Variants in FAT1 observed in about 807,000 individuals in gnomAD.
FAT1 encodes the protein protocadherin Fat 1.
Under a neutral mutation model 329.8 loss-of-function variants are expected in FAT1, and 171 were observed. That is an observed-to-expected ratio of 0.52 (90% CI 0.46 to 0.59). FAT1 has a LOEUF of 0.59. Ranked by LOEUF, FAT1 falls within the 20% of genes least tolerant of loss-of-function variation. The pLI, the probability that FAT1 is intolerant of heterozygous loss-of-function variation, is 0.00. For missense variants in FAT1, 5,672 were observed against 5,774.4 expected, an observed-to-expected ratio of 0.98 and a Z score of 0.57; for synonymous variants, 2,233 against 2,228.6, an observed-to-expected ratio of 1.00 and a Z score of -0.06.
intron 3 of FAT1, among the ~76,000 whole-genome samples, chr4:186,640,197 A>T (rs1000254902): frequency 1.3e-5 from 2 of 152,216 alleles, no homozygotes; most frequent in African/African-American, 4.8e-5. Flanking sequence ...GAAAAAAAGA[A>T]GAAAGAAATT....
intron 14 of FAT1, 89 bp from the exon 15 acceptor site, chr4:186,610,104 A>C (rs1415741278): frequency 9.3e-6 from 7 of 750,184 alleles, no homozygotes; most frequent in East Asian, 2.7e-5. Context: ...TTTTGAGTAC[A>C]TTTAGTTTTC....
At position 186,708,896 on chromosome 4, in the gene FAT1, C is replaced by G. The variant is rs566193612; in HGVS notation, c.932G>C (p.Gly311Ala). Residue 311 changes from glycine (G) to alanine (A), a missense_variant, in exon 2 of 27, where the codon GGG becomes GCG. Around this residue, in one of 2 missense-constraint regions of FAT1, gnomAD observed 3,966 missense variants for 3,915.2 expected, o/e 1.01. Transcript: ENST00000441802. ...GGCTTTGACTTTATACTCCTTACTC[C>G]CTGGAAAGGACCTCACTGTTCTAAA... ...QQFRTVRSFP[G>A]SKEYKVKAIG... The G allele has an allele frequency of 6.2e-7, 1 of 1,613,908 alleles. No individual in the cohort carries two copies. Among genetic ancestry groups the G allele is most frequent in the African/African-American group, 1.3e-5 (1 of 75,010 alleles).
chr4:186,718,188 T>C (rs1055289353), intron 1 of FAT1, among the ~76,000 whole-genome samples: 8 of 152,116 alleles, frequency 5.3e-5, no homozygotes, highest in African/African-American at 1.9e-4. Context: ...AAAGTCCATC[T>C]TCCCTCCTCC....
chr4:186,716,373 C>T (rs1716293965), intron 1 of FAT1, among the ~76,000 whole-genome samples: 1 of 152,042 alleles, frequency 6.6e-6, no homozygotes, highest in African/African-American at 2.4e-5. Context: ...TTTGGAATTT[C>T]GAGTTCAGTT....
intron 9 of FAT1, among the ~76,000 whole-genome samples, chr4:186,627,306 G>A (rs377299670): frequency 4.6e-5 from 7 of 150,602 alleles, no homozygotes; most frequent in Middle Eastern, 3.2e-3. Context: ...TTCATCAGCC[G>A]ACAGAATGAA....
Position 186,611,387 on chromosome 4 carries a change from T to C in FAT1, c.9852A>G (p.Thr3284=), listed in dbSNP as rs750248803. The C allele has an allele frequency of 4.6e-5, 74 of 1,603,408 alleles. No individual in the cohort carries two copies. In the South Asian group the frequency reaches 7.8e-4, roughly 17 times the overall value. ...CCTCTCAGATACATGGTAGGTTACC[T>C]GTTTTAGAATCTATGCTGAATTTCC... ...EHGKFSIDSK[T]GAVFIIENLD... The change falls in exon 14 of 27, where the codon ACA becomes ACG. Residue 3284 remains threonine (T), a splice_region_variant and synonymous_variant. Transcript: ENST00000441802.
rs2126564020 is a variant in FAT1, at chr4:186,636,749, G to C, written c.3808C>G (p.Pro1270Ala). The stretch of plus-strand genomic sequence containing the variant: ...TCGGTGGCTATGACGTGATAGAGCG[G>C]CTCCCGTCTGGCATTTCTTTCTCGG... ...PDRERNARRE[P>A]LYHVIATDKD... The change falls in exon 5 of 27, where the codon CCG (proline) becomes GCG (alanine). Residue 1270 changes from proline (P) to alanine (A), a missense_variant. By Grantham distance (27) the Pro-to-Ala change is conservative. Coordinates refer to ENST00000441802, the MANE Select transcript of FAT1 (RefSeq NM_005245.4). The C allele has an allele frequency of 1.9e-6, 3 of 1,613,806 alleles. No individual in the cohort carries two copies. The highest frequency in any genetic ancestry group is 2.5e-6 in the Non-Finnish European group (3 of 1,179,844).
intron 2 of FAT1, among the ~76,000 whole-genome samples, chr4:186,673,442 ATAAC>A (rs1385794051): frequency 6.6e-6 from 1 of 152,196 alleles, no homozygotes; most frequent in African/African-American, 2.4e-5. Context: ...GGCAGCTTCG[ATAAC>A]TAACACTGAA....
chr4:186,721,692 G>A (rs1322972064), intron 1 of FAT1, among the ~76,000 whole-genome samples: 1 of 150,508 alleles, frequency 6.6e-6, no homozygotes, highest in Non-Finnish European at 1.5e-5. Flanking sequence ...CGGGTAAAGT[G>A]TTAAAACATA....
rs1369570141 is a variant in FAT1, at chr4:186,618,654, C to G, written c.7932G>C (p.Glu2644Asp). 3 of 1,613,926 alleles carry G rather than the reference C, an allele frequency of 1.9e-6. No individual in the cohort carries two copies. In the East Asian group the frequency reaches 6.7e-5, roughly 36 times the overall value. Residue 2644 changes from glutamate to aspartate, a missense_variant, in exon 10 of 27, where the codon GAG (glutamate) becomes GAC (aspartate). Physicochemically the swap from Glu to Asp is conservative, Grantham distance 45. This residue lies in a region of FAT1 where 3,966 missense variants were observed against 3,915.2 expected (regional missense o/e 1.01). Transcript: ENST00000441802. Reference sequence around the variant, plus strand: ...CGGACAGTTTGTTAATTTCCAAATTCTCTTTTACACTTTCAGAGTCTGCTT... The same window carrying G: ...CGGACAGTTTGTTAATTTCCAAATTGTCTTTTACACTTTCAGAGTCTGCTT... ...AIEADSESVK[E>D]NLEINKLSGV...
At chr4:186,671,391 A>G (rs1210272995) in intron 2 of FAT1, among the ~76,000 whole-genome samples, 2 of 152,184 alleles carry the variant, frequency 1.3e-5, no homozygotes, top group African/African-American at 4.8e-5. Flanking sequence ...AATTTCTGCA[A>G]TTTAGCCTTT....
At chr4:186,694,501 A>G (rs1743936171) in intron 2 of FAT1, among the ~76,000 whole-genome samples, 1 of 152,246 alleles carries the variant, frequency 6.6e-6, no homozygotes, top group African/African-American at 2.4e-5. Context: ...TTTTACTTAG[A>G]TGTAGTTACT....
rs1379064810 is a variant in FAT1, at chr4:186,663,417, T to C, written c.3462A>G (p.Lys1154=). Reference sequence around the variant, plus strand: ...CCTCGATCTGGACCACAGATACATCTTTAGGAGAATTTTCCATGATTTCTG... The same window carrying C: ...CCTCGATCTGGACCACAGATACATCCTTAGGAGAATTTTCCATGATTTCTG... The part of the protein sequence containing the change: ...YYPEIMENSP[K]DVSVVQIEAF... Residue 1154 remains lysine (K), a synonymous_variant, in exon 3 of 27, where the codon AAA becomes AAG. Transcript: ENST00000441802. The C allele has an allele frequency of 1.3e-5, 21 of 1,613,896 alleles. No individual in the cohort carries two copies. The highest frequency in any genetic ancestry group is 1.4e-5 in the Non-Finnish European group (17 of 1,179,894).
chr4:186,591,030 G>A (rs925177111), intron 26 of FAT1, among the ~76,000 whole-genome samples: 3 of 152,196 alleles, frequency 2.0e-5, no homozygotes, highest in Admixed American at 6.5e-5. Context: ...CCAGGGCCCC[G>A]CATCTATACA....
intron 9 of FAT1, among the ~76,000 whole-genome samples, chr4:186,625,910 T>C (rs1300699164): frequency 6.6e-6 from 1 of 152,142 alleles, no homozygotes; most frequent in Non-Finnish European, 1.5e-5. Context: ...ACTCCCAACA[T>C]GGCACCTGGC....
intron 16 of FAT1, among the ~76,000 whole-genome samples, chr4:186,607,758 GATGGATGA>G (rs1336238573): frequency 6.6e-6 from 1 of 151,992 alleles, no homozygotes; most frequent in African/African-American, 2.4e-5. Flanking sequence ...TGGATAACTG[GATGGATGA>G]ATGGATGGAT....
chr4:186,724,047 G>A (rs1745612578), upstream of FAT1, among the ~76,000 whole-genome samples: 2 of 151,904 alleles, frequency 1.3e-5, no homozygotes, highest in African/African-American at 4.8e-5. This position sits in a 1 kb window ranked among gnomAD's most constrained non-coding sequence, Gnocchi z 5.3. Flanking sequence ...AGACGAGAAG[G>A]CGCCCAGCGG....
At chr4:186,592,775 G>A in intron 26 of FAT1, 1 of 456,476 alleles carries the variant, frequency 2.2e-6, no homozygotes, top group South Asian at 1.6e-5. Context: ...TACAAAAGCA[G>A]TCAATTAGGA....
chr4:186,597,899 T>C, intron 23 of FAT1, 73 bp downstream of exon 23: 2 of 1,574,428 alleles, frequency 1.3e-6, no homozygotes, highest in African/African-American at 1.4e-5. Context: ...GTGCAGACTT[T>C]TTACATGTAC....
Sources: gnomAD v4.1 joint callset for allele counts (sites outside exome capture counted in the v4.1 genomes callset) on GRCh38, gnomAD v4.1.1 for gene constraint, gnomAD v4.1.1 regional missense constraint, Gnocchi (gnomAD v3.1) non-coding constraint, MANE v1.5 for transcripts, NCBI Gene and HGNC (gene_info 2026-07-23, HGNC 2026-07-21) for gene names.